The following SNX19 variants were observed in gnomAD, a reference collection of about 807,000 sequenced individuals.
SNX19 encodes sorting nexin-19.
Under a neutral mutation model 85.2 loss-of-function variants are expected in SNX19, and 60 were observed. The ratio of observed to expected loss-of-function variants is 0.70; its 90% CI spans 0.57 to 0.87. SNX19 has a LOEUF of 0.87. Ranked by LOEUF, SNX19 falls within the 40% of genes least tolerant of loss-of-function variation. The pLI is 0.00. For synonymous variants in SNX19, 520 were observed against 470.0 expected (o/e 1.11, Z -1.38); for missense variants, 1,201 against 1,217.8 (o/e 0.99, Z 0.21).
At chr11:130,906,174 C>T (rs1326723236) in intron 6 of SNX19, 41 bp from the exon 7 acceptor site, 5 of 1,591,150 alleles carry the variant, frequency 3.1e-6, no homozygotes, top group Non-Finnish European at 4.3e-6. Flanking sequence ...GGAATGCTGA[C>T]AGTAGGGGAG....
Position 130,915,185 on chromosome 11 carries a change from C to T in SNX19, c.755G>A (p.Ser252Asn), listed in dbSNP as rs77882814. 2.4e-4 allele frequency: 394 copies of T among 1,614,208 alleles called. 1 individual carries two copies. In the African/African-American group the frequency reaches 4.3e-3, roughly 18 times the overall value. ...ITCNVILPLI[S>N]RLSDPDWIHL... Reference sequence around the variant, plus strand: ...GATCCAGTCAGGATCTGACAGCCTGCTGATCAGTGGTAAGATTACATTGCA... The same window carrying T: ...GATCCAGTCAGGATCTGACAGCCTGTTGATCAGTGGTAAGATTACATTGCA... Residue 252 changes from serine (S) to asparagine (N), a missense_variant, in exon 1 of 11, where the codon AGC (serine) becomes AAC (asparagine). Around this residue, in one of 3 missense-constraint regions of SNX19, gnomAD observed 791 missense variants for 750.9 expected, o/e 1.05. Coordinates refer to ENST00000265909, the MANE Select transcript of SNX19 (RefSeq NM_014758.3).
At chr11:130,898,676 G>T (rs145493811) in intron 8 of SNX19, among the ~76,000 whole-genome samples, 7 of 152,256 alleles carry the variant, frequency 4.6e-5, no homozygotes, top group African/African-American at 1.4e-4. Context: ...CCAGCATATT[G>T]GCTTACCAAA....
intron 8 of SNX19, among the ~76,000 whole-genome samples, chr11:130,888,817 G>T (rs1441002799): frequency 6.6e-6 from 1 of 152,118 alleles, no homozygotes; most frequent in African/African-American, 2.4e-5. Flanking sequence ...GCCATGTACA[G>T]GTTTAAATGT....
At position 130,880,341 on chromosome 11, in the gene SNX19, G is replaced by C. The variant is rs113256297; in HGVS notation, c.2758+281C>G. ...TTCCCCAGACCTGCCAGCAGGTAGA[G>C]AGAAAGTTATTAACCTAAATATCTG... On this transcript the variant is annotated intron_variant, in intron 9 of 10. Transcript: ENST00000265909. 4.6e-5 allele frequency among the ~76,000 whole-genome samples: 7 copies of C among 151,834 alleles called. No homozygotes were observed. In the South Asian group the frequency reaches 6.3e-4, roughly 14 times the overall value.
chr11:130,912,360 A>T (rs539448700), intron 1 of SNX19, among the ~76,000 whole-genome samples: 34 of 152,280 alleles, frequency 2.2e-4, no homozygotes, highest in Admixed American at 1.5e-3. Context: ...AAAATTGGAG[A>T]TGTGATAAGG....
rs568398163 is a variant in SNX19, at chr11:130,894,962, G to A, written c.2573+8293C>T. 59 of 985,404 alleles carry A rather than the reference G, an allele frequency of 6.0e-5. No homozygotes were observed. In the African/African-American group the frequency reaches 7.0e-4, roughly 12 times the overall value. 61.0% of individuals were successfully genotyped at this position (985,404 alleles called of 1,614,324 possible). ...ATTTCGACAGTAACAGACAAAGGAA[G>A]TTAAGTGGTTTGTTCTAAGTCACAT... On this transcript the variant is annotated intron_variant, in intron 8 of 10. Transcript: ENST00000265909.
At chr11:130,878,926 C>A (rs756895426) in intron 10 of SNX19, among the ~76,000 whole-genome samples, 4 of 152,206 alleles carry the variant, frequency 2.6e-5, no homozygotes, top group African/African-American at 4.8e-5. Context: ...AATTTATAGG[C>A]TGCCTTACAG....
chr11:130,873,203 C>A lies in SNX19; in HGVS notation c.*5219G>T. Among the ~76,000 whole-genome samples the A allele has an allele frequency of 6.6e-6, 1 of 152,214 alleles. No homozygotes were observed. The highest frequency in any genetic ancestry group is 6.5e-5 in the Admixed American group (1 of 15,278). On this transcript the variant is annotated 3_prime_UTR_variant, in exon 11 of 11. Transcript: ENST00000265909. ...TCCACAAACTGACTCATGGGACAAA[C>A]CCGGCCAGCTGCCTATTTTTGTAAA...
chr11:130,910,438 A>G, intron 2 of SNX19, 68 bp from the exon 3 acceptor site: 1 of 1,167,836 alleles, frequency 8.6e-7, no homozygotes, highest in South Asian at 1.4e-5. Flanking sequence ...TCCATATAAA[A>G]CATATAAAGA....
At chr11:130,881,497 G>GCCTATAATACCAA (rs1943669229) in intron 8 of SNX19, among the ~76,000 whole-genome samples, 1 of 152,154 alleles carries the variant, frequency 6.6e-6, no homozygotes, top group East Asian at 1.9e-4. Flanking sequence ...CTCCTCTGAT[G>GCCTATAATACCAA]GGAAGCATTA....
intron 8 of SNX19, among the ~76,000 whole-genome samples, chr11:130,899,522 C>T (rs1945118376): frequency 6.6e-6 from 1 of 152,176 alleles, no homozygotes; most frequent in Admixed American, 6.5e-5. Flanking sequence ...TGGCCTCAAA[C>T]AGAGAAGTAT....
chr11:130,902,953 G>T, intron 8 of SNX19: 1 of 273,684 alleles, frequency 3.7e-6, no homozygotes, highest in Non-Finnish European at 7.0e-6. Context: ...AGGGCTGGAG[G>T]ATATAACTGG....
rs554200347 is a variant in SNX19 at position 130,910,374 on chromosome 11, C to CA, written c.1814-5_1814-4insT. 0.08 allele frequency: 74,420 copies of CA among 932,018 alleles called. 184 individuals carry two copies. Among genetic ancestry groups the CA allele is most frequent in the South Asian group, 0.1 (4,508 of 44,918 alleles). The allele number at this position is 932,018 out of a possible 1,614,324, so 57.7% of individuals were successfully genotyped here. On this transcript the variant is annotated splice_region_variant and splice_polypyrimidine_tract_variant and intron_variant, in intron 2 of 10. Transcript: ENST00000265909. ...AGCTTTTTAGGACCCTTCACATCTT[C>CA]CAAAAAAAAAAAAAATCAAAATATT... is the stretch of plus-strand genomic sequence containing the variant.
chr11:130,889,024 C>T lies in SNX19; in HGVS notation c.2574-8218G>A, dbSNP rs373198267. The stretch of plus-strand genomic sequence containing the variant: ...TGAATAAATGCTTTCACCATGTAAT[C>T]AGTTGATACTACAGCATCTGTCCCA... On this transcript the variant is annotated intron_variant, in intron 8 of 10. Coordinates refer to ENST00000265909, the MANE Select transcript of SNX19 (RefSeq NM_014758.3). Among the ~76,000 whole-genome samples the T allele has an allele frequency of 3.9e-5, 6 of 152,252 alleles. No individual in the cohort carries two copies. In the Middle Eastern group the frequency reaches 0.01, roughly 259 times the overall value.
chr11:130,906,838 A>T, intron 5 of SNX19, 117 bp from the exon 6 acceptor site: 1 of 759,478 alleles, frequency 1.3e-6, no homozygotes, highest in South Asian at 1.6e-5. Flanking sequence ...TATTCTGGGG[A>T]GCTTACTGTG....
At position 130,914,862 on chromosome 11, in the gene SNX19, T is replaced by C. The variant is rs1181802005; in HGVS notation, c.1078A>G (p.Asn360Asp). 6.2e-7 allele frequency: 1 copy of C among 1,614,038 alleles called. No individual in the cohort carries two copies. The highest frequency in any genetic ancestry group is 1.3e-5 in the African/African-American group (1 of 74,914). Residue 360 changes from asparagine to aspartate, a missense_variant, in exon 1 of 11, where the codon AAT (asparagine) becomes GAT (aspartate). Physicochemically the swap from Asn to Asp is conservative, Grantham distance 23 (BLOSUM62 1). Coordinates refer to ENST00000265909, the MANE Select transcript of SNX19 (RefSeq NM_014758.3). ...GNNSSHFLQP[N>D]VRGPLFLCED... Reference sequence around the variant, plus strand: ...CATAAGAACAGGGGACCTCGAACATTTGGCTGTAGGAAATGAGATGAGTTG... The same window carrying C: ...CATAAGAACAGGGGACCTCGAACATCTGGCTGTAGGAAATGAGATGAGTTG...
At chr11:130,910,210 G>C in intron 3 of SNX19, 60 bp downstream of exon 3, 1 of 1,613,076 alleles carries the variant, frequency 6.2e-7, no homozygotes, top group African/African-American at 1.3e-5. Context: ...TGGCTTGGGT[G>C]TTCTGGGGTT....
intron 8 of SNX19, chr11:130,892,731 C>T (rs1944582383): frequency 6.6e-6 from 1 of 152,078 alleles, no homozygotes; most frequent in Non-Finnish European, 1.5e-5. Context: ...CTTCCTAAAA[C>T]CAGACCTCCA....
chr11:130,903,721 ACAC>A (rs1945439485), intron 7 of SNX19, among the ~76,000 whole-genome samples: 1 of 136,594 alleles, frequency 7.3e-6, no homozygotes, highest in Admixed American at 7.4e-5. Flanking sequence ...ACACATACAC[ACAC>A]ACACACACAC....
Sources: allele counts gnomAD v4.1 joint callset (sites outside exome capture counted in the v4.1 genomes callset), GRCh38; gene constraint gnomAD v4.1.1; regional missense constraint gnomAD v4.1.1; transcripts MANE v1.5; gene names NCBI Gene and HGNC (gene_info 2026-07-23, HGNC 2026-07-21).